The following RBMS2 variants were observed in gnomAD, a reference collection of about 807,000 sequenced individuals.
RBMS2 encodes the protein RNA-binding motif, single-stranded-interacting protein 2.
In RBMS2, 38 loss-of-function variants were observed where a neutral mutation model predicts 58.4. The ratio of observed to expected loss-of-function variants is 0.65; its 90% confidence interval spans 0.50 to 0.85. The LOEUF (loss-of-function observed/expected upper bound fraction) is 0.85. Among genes scored for constraint, RBMS2 ranks in the 40% least tolerant of loss-of-function variants. The probability of loss-of-function intolerance (pLI) is 0.00; values close to 1 mark genes in which losing one functional copy is unlikely to be tolerated. For synonymous variants in RBMS2, 151 were observed against 180.7 expected, an observed-to-expected ratio of 0.84 and a Z score of 1.32; for missense variants, 367 against 503.7, an observed-to-expected ratio of 0.73 and a Z score of 2.60.
At chr12:56,541,357 CA>C (rs1565737034) in intron 1 of RBMS2, among the ~76,000 whole-genome samples, 1 of 152,002 alleles carries the variant, frequency 6.6e-6, no homozygotes, top group Non-Finnish European at 1.5e-5. Flanking sequence ...TACTTTAACT[CA>C]AATTGAATTA....
chr12:56,589,040 G>A (rs754368551), intron 13 of RBMS2, 22 bp downstream of exon 13: 2 of 1,613,862 alleles, frequency 1.2e-6, no homozygotes, highest in South Asian at 1.1e-5. Flanking sequence ...ATGCTGGGGG[G>A]CAGGGAGGGC....
At chr12:56,535,382 C>A (rs1874577559) in intron 1 of RBMS2, among the ~76,000 whole-genome samples, 1 of 151,376 alleles carries the variant, frequency 6.6e-6, no homozygotes, top group Non-Finnish European at 1.5e-5. Flanking sequence ...GTGGTCCCAG[C>A]TACTCGGGAG....
rs191287414 is a variant in RBMS2, at chr12:56,554,180, A to G, written c.67-8237A>G. 4.6e-5 allele frequency among the ~76,000 whole-genome samples: 7 copies of G among 152,250 alleles called. No homozygotes were observed. In the East Asian group the frequency reaches 1.4e-3, roughly 29 times the overall value. On this transcript the variant is annotated intron_variant, in intron 1 of 13. Coordinates refer to ENST00000262031, the MANE Select transcript of RBMS2 (RefSeq NM_002898.4). Reference sequence around the variant, plus strand: ...AATTCTCCTTCCTTTGCAGATATAGATAATTCACCCATATTGAGCTGTCAT... The same window carrying G: ...AATTCTCCTTCCTTTGCAGATATAGGTAATTCACCCATATTGAGCTGTCAT...
At chr12:56,560,947 A>G (rs901837048) in intron 1 of RBMS2, among the ~76,000 whole-genome samples, 1 of 151,930 alleles carries the variant, frequency 6.6e-6, no homozygotes, top group South Asian at 2.1e-4. Flanking sequence ...CCCAGTGTGT[A>G]TTGTTCCCCT....
rs772310200 is a variant in RBMS2, at chr12:56,562,439, A to G, written c.89A>G (p.Gln30Arg). 6.2e-7 allele frequency: 1 copy of G among 1,606,290 alleles called. No homozygotes were observed. Among genetic ancestry groups the G allele is most frequent in the South Asian group, 1.1e-5 (1 of 90,916 alleles). ...CAGCCATATGTGTCATTGGCTCAGC[A>G]GATGGCACCACCTAGCCCAAGCAAC... ...NKKPYVSLAQQMAPPSPSNST... is the reference protein window; with the variant it reads ...NKKPYVSLAQRMAPPSPSNST... Residue 30 changes from glutamine to arginine, a missense_variant, in exon 2 of 14, where the codon CAG (glutamine) becomes CGG (arginine). Physicochemically the swap from Gln to Arg is conservative, Grantham distance 43. Coordinates refer to ENST00000262031, the MANE Select transcript of RBMS2 (RefSeq NM_002898.4).
chr12:56,560,517 G>T (rs1364202973), intron 1 of RBMS2, among the ~76,000 whole-genome samples: 1 of 152,014 alleles, frequency 6.6e-6, no homozygotes, highest in Non-Finnish European at 1.5e-5. Context: ...ACCTCCCAAA[G>T]TGCTGGGATT....
chr12:56,547,656 T>TC (rs919182097), intron 1 of RBMS2, among the ~76,000 whole-genome samples: 2 of 150,792 alleles, frequency 1.3e-5, no homozygotes, highest in African/African-American at 2.4e-5. Flanking sequence ...TCTTTTCTTT[T>TC]TTTTTTTTTT....
rs949448782 is a variant in RBMS2, at chr12:56,531,840, A to T, written c.66+9751A>T. 1.7e-4 allele frequency among the ~76,000 whole-genome samples: 25 copies of T among 150,526 alleles called. 2 individuals are homozygous for T. Among genetic ancestry groups the T allele is most frequent in the Non-Finnish European group, 8.9e-5 (6 of 67,698 alleles). On this transcript the variant is annotated intron_variant, in intron 1 of 13. Coordinates refer to ENST00000262031, the MANE Select transcript of RBMS2 (RefSeq NM_002898.4). ...TCAAAAAAAAAAAAAAAAAGTACTGATATATTTTGTCGAATTATTTTGAGG... is the reference window on the plus strand; with the variant it reads ...TCAAAAAAAAAAAAAAAAAGTACTGTTATATTTTGTCGAATTATTTTGAGG...
chr12:56,583,901 T>G (rs1391823985), intron 9 of RBMS2, among the ~76,000 whole-genome samples: 3 of 152,234 alleles, frequency 2.0e-5, no homozygotes, highest in Non-Finnish European at 2.9e-5. Context: ...TACAAATTTT[T>G]TTCCAATTTT....
intron 1 of RBMS2, among the ~76,000 whole-genome samples, chr12:56,541,587 A>G (rs1207693047): frequency 6.6e-6 from 1 of 152,210 alleles, no homozygotes; most frequent in Non-Finnish European, 1.5e-5. Context: ...CTACTAATAA[A>G]ACTAATATTC....
intron 1 of RBMS2, among the ~76,000 whole-genome samples, chr12:56,523,336 G>A (rs1361522777): frequency 6.6e-6 from 1 of 152,134 alleles, no homozygotes; most frequent in East Asian, 1.9e-4. Flanking sequence ...TGCTAAATGA[G>A]CAGACTTTAG....
intron 1 of RBMS2, among the ~76,000 whole-genome samples, chr12:56,551,748 A>C (rs1204812967): frequency 6.6e-6 from 1 of 152,176 alleles, no homozygotes; most frequent in Non-Finnish European, 1.5e-5. Flanking sequence ...TATATGTTGA[A>C]TGCTTTCAGA....
chr12:56,582,099 C>A lies in RBMS2; in HGVS notation c.820C>A (p.Leu274Ile). Residue 274 changes from leucine (L) to isoleucine (I), a missense_variant, in exon 9 of 14, where the codon CTT becomes ATT. Physicochemically the swap from Leu to Ile is conservative, Grantham distance 5. Around this residue, in one of 3 missense-constraint regions of RBMS2, gnomAD observed 220 missense variants for 261.1 expected, o/e 0.84. Coordinates refer to ENST00000262031, the MANE Select transcript of RBMS2 (RefSeq NM_002898.4). ...APYNITPNRM[L>I]AQSALSPYLS... Reference sequence around the variant, plus strand: ...CTATAACATCACCCCCAACAGGATGCTTGCTCAGTCTGCACTCTCCCCATA... The same window carrying A: ...CTATAACATCACCCCCAACAGGATGATTGCTCAGTCTGCACTCTCCCCATA... The A allele has an allele frequency of 6.2e-7, 1 of 1,613,532 alleles. No individual in the cohort carries two copies. Among genetic ancestry groups the A allele is most frequent in the Non-Finnish European group, 8.5e-7 (1 of 1,179,534 alleles).
chr12:56,590,982 A>G lies in RBMS2; in HGVS notation c.*1849A>G, dbSNP rs559576364. ...GGTCAGGAGTCCTTTAAAAAAGCCT[A>G]TGTCTTGGTCTTTAACTGTCCCCTT... On this transcript the variant is annotated 3_prime_UTR_variant, in exon 14 of 14. Coordinates refer to ENST00000262031, the MANE Select transcript of RBMS2 (RefSeq NM_002898.4). 2.6e-5 allele frequency: 4 copies of G among 152,286 alleles called. No individual in the cohort carries two copies. The highest frequency in any genetic ancestry group is 7.2e-5 in the African/African-American group (3 of 41,560). The allele number at this position is 152,286 out of a possible 1,614,324, so 9.4% of individuals were successfully genotyped here.
intron 1 of RBMS2, among the ~76,000 whole-genome samples, chr12:56,528,649 TA>T (rs916026639): frequency 3.9e-5 from 6 of 151,922 alleles, no homozygotes; most frequent in Non-Finnish European, 8.8e-5. Context: ...AGACAGATAA[TA>T]AAAAAGACAG....
Position 56,562,350 on chromosome 12 carries a change from G to C in RBMS2, c.67-67G>C. On this transcript the variant is annotated intron_variant, in intron 1 of 13. Transcript: ENST00000262031. ...TGGAATCATTTTTTCAAGAGGTCCA[G>C]GATCTTCCTCACTCTCCAACATGTA... 3.4e-6 allele frequency: 5 copies of C among 1,452,472 alleles called. No individual in the cohort carries two copies. The South Asian group carries it at 6.1e-5, about 18-fold the overall frequency. 90.0% of individuals were successfully genotyped at this position (1,452,472 alleles called of 1,614,324 possible).
At chr12:56,575,723 C>A (rs577458401) in intron 5 of RBMS2, among the ~76,000 whole-genome samples, 1 of 151,842 alleles carries the variant, frequency 6.6e-6, no homozygotes, top group Non-Finnish European at 1.5e-5. Context: ...GGAAAAACCC[C>A]GTCTCTACTA....
At chr12:56,575,218 C>G (rs1007105761) in intron 5 of RBMS2, among the ~76,000 whole-genome samples, 3 of 151,768 alleles carry the variant, frequency 2.0e-5, no homozygotes, top group Non-Finnish European at 4.4e-5. Flanking sequence ...CACTTGAGCT[C>G]AGGAGTTCAA....
At position 56,569,887 on chromosome 12, in the gene RBMS2, C is replaced by T; in HGVS notation, c.293-12C>T. ...CTCCCACTTCCTAGTGATGCTGTTT[C>T]CTCTGTTCCAGGCTATGGCTTTGTA... is the stretch of plus-strand genomic sequence containing the variant. On this transcript the variant is annotated splice_polypyrimidine_tract_variant and intron_variant, in intron 3 of 13. Coordinates refer to ENST00000262031, the MANE Select transcript of RBMS2 (RefSeq NM_002898.4). 1 of 1,604,670 alleles carries T rather than the reference C, an allele frequency of 6.2e-7. No homozygotes were observed.
Sources: allele counts gnomAD v4.1 joint callset (sites outside exome capture counted in the v4.1 genomes callset), GRCh38; gene constraint gnomAD v4.1.1; regional missense constraint gnomAD v4.1.1; transcripts MANE v1.5; gene names NCBI Gene and HGNC (gene_info 2026-07-23, HGNC 2026-07-21).